DST: variants seen among roughly 807,000 people sequenced by gnomAD.
DST encodes the protein bullous pemphigoid antigen.
A neutral mutation model predicts 875.2 loss-of-function variants in DST; 253 were observed. The observed-to-expected ratio is 0.29, with a 90% CI of 0.26 to 0.32. The LOEUF (loss-of-function observed/expected upper bound fraction) is 0.32. DST is among the 10% of genes least tolerant of loss of function. DST has a pLI of 1.00. For missense variants in DST, 8,287 were observed against 9,111.6 expected, an observed-to-expected ratio of 0.91 and a Z score of 3.68; for synonymous variants, 3,124 against 3,197.1, an observed-to-expected ratio of 0.98 and a Z score of 0.77.
intron 4 of DST, among the ~76,000 whole-genome samples, chr6:56,809,610 T>G (rs2099757408): frequency 6.6e-6 from 1 of 152,178 alleles, no homozygotes; most frequent in Admixed American, 6.5e-5. Context: ...TTAATAAATT[T>G]TTGGCTGATG....
In DST at chr6:56,784,863, G is replaced by A. The variant is rs530589179; in HGVS notation, c.626-49574C>T. Reference sequence around the variant, plus strand: ...TTTCCCCATCTTTATGGTTTTATCCGCTTTTGGTCTTTGATGATGGTGATG... The same window carrying A: ...TTTCCCCATCTTTATGGTTTTATCCACTTTTGGTCTTTGATGATGGTGATG... On this transcript the variant is annotated intron_variant, in intron 4 of 103. Coordinates refer to ENST00000680361, the MANE Select transcript of DST (RefSeq NM_001374736.1). 3.3e-3 allele frequency among the ~76,000 whole-genome samples: 507 copies of A among 152,080 alleles called. 2 individuals carry two copies. Among genetic ancestry groups the A allele is most frequent in the Admixed American group, 6.9e-3 (106 of 15,266 alleles).
chr6:56,494,779 T>C (rs2152445623), intron 82 of DST, among the ~76,000 whole-genome samples: 1 of 152,224 alleles, frequency 6.6e-6, no homozygotes, highest in East Asian at 1.9e-4. Context: ...ATGTATCTTC[T>C]ATACAGGACA....
Position 56,520,337 on chromosome 6 carries a change from G to C in DST, c.18130-2717C>G, listed in dbSNP as rs1205716726. 5.3e-5 allele frequency among the ~76,000 whole-genome samples: 8 copies of C among 152,254 alleles called. No individual in the cohort carries two copies. The East Asian group carries it at 1.5e-3, about 29-fold the overall frequency. On this transcript the variant is annotated intron_variant, in intron 69 of 103. Transcript: ENST00000680361. ...AGAGATTGTGACTGAAAAAATACTT[G>C]AACATTCTTGAAATAACATTATAGA...
chr6:56,608,277 T>C lies in DST; in HGVS notation c.6351A>G (p.Gln2117=), dbSNP rs2098515430. The change falls in exon 40 of 104, where the codon CAA becomes CAG. Residue 2117 remains glutamine (Q), a synonymous_variant. Coordinates refer to ENST00000680361, the MANE Select transcript of DST (RefSeq NM_001374736.1). ...IAALYIPESS[Q]VIGLDAAKQL... is the part of the protein sequence containing the mutation. Reference sequence around the variant, plus strand: ...GTTTAGCAGCATCCAAACCAATGACTTGAGAACTTTCTGGAATATAAAGAG... The same window carrying C: ...GTTTAGCAGCATCCAAACCAATGACCTGAGAACTTTCTGGAATATAAAGAG... 1 of 1,613,594 alleles carries C rather than the reference T, an allele frequency of 6.2e-7. No homozygotes were observed. Among genetic ancestry groups the C allele is most frequent in the Admixed American group, 1.7e-5 (1 of 59,964 alleles).
intron 55 of DST, among the ~76,000 whole-genome samples, chr6:56,567,466 C>T (rs1001795309): frequency 3.2e-5 from 4 of 124,170 alleles, no homozygotes; most frequent in African/African-American, 9.0e-5. Context: ...GCAACAGCAA[C>T]AACAACAAAA....
intron 4 of DST, among the ~76,000 whole-genome samples, chr6:56,763,861 G>A (rs1266282330): frequency 6.6e-6 from 1 of 151,992 alleles, no homozygotes; most frequent in African/African-American, 2.4e-5. Flanking sequence ...CTTTGAAAAT[G>A]TACTTAGACT....
At chr6:56,720,349 CTTT>C (rs386407172) in intron 5 of DST, among the ~76,000 whole-genome samples, 2 of 130,226 alleles carry the variant, frequency 1.5e-5, no homozygotes, top group African/African-American at 2.8e-5. Context: ...TTATCCTGTT[CTTT>C]TTTTTTTTTT....
At chr6:56,931,907 T>C (rs1361984836) in intron 2 of DST, among the ~76,000 whole-genome samples, 4 of 152,192 alleles carry the variant, frequency 2.6e-5, no homozygotes, top group Non-Finnish European at 5.9e-5. Flanking sequence ...TTGTCTCAGA[T>C]GAGACTTTGG....
At chr6:56,793,437 T>C (rs2099734736) in intron 4 of DST, among the ~76,000 whole-genome samples, 1 of 152,164 alleles carries the variant, frequency 6.6e-6, no homozygotes, top group South Asian at 2.1e-4. Flanking sequence ...CAGGTATACA[T>C]AGGGTTTGTA....
rs1230864027 is a variant in DST at position 56,953,903 on chromosome 6, A to G, written c.182-84T>C. ...TGACTCATGACTTACCTGGGAGACC[A>G]GGGTTGGGAAAGCACATCGCAGACT... On this transcript the variant is annotated intron_variant, in intron 1 of 103. Coordinates refer to ENST00000680361, the MANE Select transcript of DST (RefSeq NM_001374736.1). 2.8e-6 allele frequency: 3 copies of G among 1,055,464 alleles called. No homozygotes were observed. In the East Asian group the frequency reaches 1.8e-4, roughly 62 times the overall value. 65.4% of individuals were successfully genotyped at this position (1,055,464 alleles called of 1,614,324 possible). A position where few individuals can be genotyped will look rare whatever the true frequency, so the allele number is the denominator to read the frequency against.
At chr6:56,851,858 CG>C (rs1765446650) in intron 3 of DST, 1 of 1,551,408 alleles carries the variant, frequency 6.4e-7, no homozygotes. Context: ...AAGATTTGCA[CG>C]GAAGAAGTGT....
intron 5 of DST, among the ~76,000 whole-genome samples, chr6:56,725,535 C>T (rs576591035): frequency 1.3e-5 from 2 of 152,248 alleles, no homozygotes; most frequent in East Asian, 3.9e-4. Flanking sequence ...CACACATGCA[C>T]TGGGCCCCTG....
intron 69 of DST, among the ~76,000 whole-genome samples, chr6:56,520,707 T>C (rs1271276822): frequency 6.7e-6 from 1 of 149,776 alleles, no homozygotes; most frequent in African/African-American, 2.5e-5. Flanking sequence ...TCCATAAAAA[T>C]TAAAAATTAA....
intron 2 of DST, among the ~76,000 whole-genome samples, chr6:56,942,306 TA>T (rs1243916441): frequency 2.0e-5 from 3 of 152,208 alleles, no homozygotes; most frequent in African/African-American, 7.2e-5. Flanking sequence ...TTTGGCCCAT[TA>T]ATATTTAATG....
At chr6:56,635,783 C>A in intron 23 of DST, 69 bp from the exon 24 acceptor site, 1 of 1,547,136 alleles carries the variant, frequency 6.5e-7, no homozygotes, top group Non-Finnish European at 8.9e-7. Flanking sequence ...TGTCACACTC[C>A]AATACCAAGG....
At chr6:56,592,152 G>C in intron 49 of DST, 30 bp downstream of exon 49, 2 of 1,600,278 alleles carry the variant, frequency 1.2e-6, no homozygotes, top group Non-Finnish European at 1.7e-6. Context: ...TAAGACTACT[G>C]GAAATGTGGA....
intron 55 of DST, among the ~76,000 whole-genome samples, chr6:56,565,125 C>CTTTTTTTTTTT (rs540989404): frequency 8.1e-6 from 1 of 122,794 alleles, no homozygotes; most frequent in Admixed American, 8.2e-5. Flanking sequence ...TTTTTTTTTT[C>CTTTTTTTTTTT]TTTTTTTTTT....
chr6:56,509,843 T>C lies in DST; in HGVS notation c.18811A>G (p.Ser6271Gly), dbSNP rs1311625258. The change falls in exon 74 of 104, where the codon AGC becomes GGC. Residue 6271 changes from serine (S) to glycine (G), a missense_variant. This residue lies in a region of DST where 1,292 missense variants were observed against 1,552.7 expected (regional missense o/e 0.83). Transcript: ENST00000680361. ...FHDKIDQILESLERIVERLRQ... is the reference protein window; with the variant it reads ...FHDKIDQILEGLERIVERLRQ... ...AGACGTTCCACGATGCGTTCCAGGC[T>C]CTCAAGGATCTGATCTATCTTGTCA... 1 of 1,612,508 alleles carries C rather than the reference T, an allele frequency of 6.2e-7. No individual in the cohort carries two copies. The highest frequency in any genetic ancestry group is 1.1e-5 in the South Asian group (1 of 90,696).
intron 102 of DST, 53 bp downstream of exon 102, chr6:56,462,993 A>T: frequency 9.6e-7 from 1 of 1,036,318 alleles, no homozygotes; most frequent in Non-Finnish European, 1.5e-6. Flanking sequence ...TTAGTGAGTG[A>T]TAGCTTCAGT....
Sources: allele counts gnomAD v4.1 joint callset (sites outside exome capture counted in the v4.1 genomes callset), GRCh38; gene constraint gnomAD v4.1.1; regional missense constraint gnomAD v4.1.1; transcripts MANE v1.5; gene names NCBI Gene and HGNC (gene_info 2026-07-23, HGNC 2026-07-21).